The following EYS variants were observed in gnomAD, a reference collection of about 807,000 sequenced individuals.
The protein encoded by EYS is protein eyes shut homolog.
EYS carries 250 observed loss-of-function variants against 282.1 expected under a neutral mutation model. That is an observed-to-expected ratio of 0.89 (90% CI 0.80 to 0.98). The LOEUF is 0.98. Among genes scored for constraint, EYS ranks in the 50% least tolerant of loss-of-function variants. EYS has a pLI of 0.00. For missense variants in EYS, 4,016 were observed against 3,709.0 expected (o/e 1.08, Z -2.15); for synonymous variants, 1,355 against 1,282.9 (o/e 1.06, Z -1.20).
chr6:65,368,883 G>A (rs1765019819), intron 8 of EYS, among the ~76,000 whole-genome samples: 2 of 151,644 alleles, frequency 1.3e-5, no homozygotes, highest in African/African-American at 4.8e-5. Flanking sequence ...AGAGAGAGAT[G>A]AGAGGAGATG....
chr6:64,310,394 C>A (rs1359915755), intron 29 of EYS, among the ~76,000 whole-genome samples: 1 of 152,186 alleles, frequency 6.6e-6, no homozygotes, highest in Non-Finnish European at 1.5e-5. Flanking sequence ...GAATACTACA[C>A]AGCCATGAAA....
intron 29 of EYS, among the ~76,000 whole-genome samples, chr6:64,373,115 G>A (rs949791270): frequency 7.2e-5 from 11 of 152,326 alleles, no homozygotes; most frequent in Non-Finnish European, 1.0e-4. Context: ...TATTGTGGTT[G>A]TTTGGAGGTA....
intron 19 of EYS, among the ~76,000 whole-genome samples, chr6:64,858,191 T>C (rs1197669929): frequency 6.6e-6 from 1 of 152,156 alleles, no homozygotes; most frequent in Admixed American, 6.5e-5. Context: ...GTAATGGAGA[T>C]TGTTGGCTAT....
intron 18 of EYS, among the ~76,000 whole-genome samples, chr6:64,889,501 G>T (rs1232824577): frequency 1.3e-5 from 2 of 151,936 alleles, no homozygotes; most frequent in African/African-American, 4.8e-5. Context: ...TGTTATTGTT[G>T]CGGGAAGTCA....
At chr6:64,680,996 C>T (rs1242605069) in intron 22 of EYS, among the ~76,000 whole-genome samples, 2 of 152,046 alleles carry the variant, frequency 1.3e-5, no homozygotes, top group Non-Finnish European at 2.9e-5. Context: ...AGCAGAGCAA[C>T]AAACTAATCC....
intron 1 of EYS, among the ~76,000 whole-genome samples, chr6:65,693,511 C>CAA (rs973843632): frequency 2.1e-5 from 3 of 145,040 alleles, no homozygotes; most frequent in African/African-American, 7.5e-5. Flanking sequence ...ATTTTAGGGA[C>CAA]ACATTTGCTA....
chr6:65,224,400 A>G (rs1044680894), intron 12 of EYS, among the ~76,000 whole-genome samples: 3 of 152,216 alleles, frequency 2.0e-5, no homozygotes, highest in Non-Finnish European at 4.4e-5. Flanking sequence ...AAACTTACAG[A>G]CTGCGGTAAA....
In EYS at chr6:64,440,774, C is replaced by T. The variant is rs924318865; in HGVS notation, c.5645-1422G>A. ...ATTGTGAAAGAGCATAAAATGTTTTCAAAAACAAACATTACAAGAAGAATA... is the reference window on the plus strand; with the variant it reads ...ATTGTGAAAGAGCATAAAATGTTTTTAAAAACAAACATTACAAGAAGAATA... On this transcript the variant is annotated intron_variant, in intron 26 of 42. Coordinates refer to ENST00000503581, the MANE Select transcript of EYS (RefSeq NM_001142800.2). 9.9e-5 allele frequency among the ~76,000 whole-genome samples: 15 copies of T among 151,546 alleles called. 1 individual carries two copies. Among genetic ancestry groups the T allele is most frequent in the Non-Finnish European group, 1.5e-5 (1 of 67,874 alleles).
At chr6:64,207,160 G>A (rs1765634005) in intron 31 of EYS, among the ~76,000 whole-genome samples, 1 of 152,088 alleles carries the variant, frequency 6.6e-6, no homozygotes. Flanking sequence ...TTAAGAGGGT[G>A]TTAGCCCTCA....
At chr6:65,152,923 GTTAA>G (rs1764646795) in intron 12 of EYS, among the ~76,000 whole-genome samples, 1 of 149,964 alleles carries the variant, frequency 6.7e-6, no homozygotes, top group South Asian at 2.1e-4. Flanking sequence ...ACTTCATATT[GTTAA>G]TTAATTTCAT....
chr6:64,867,768 T>A (rs1766468128), intron 19 of EYS, among the ~76,000 whole-genome samples: 1 of 151,732 alleles, frequency 6.6e-6, no homozygotes, highest in Non-Finnish European at 1.5e-5. Flanking sequence ...ATTCCAAGTC[T>A]ATGTTAGAAA....
intron 2 of EYS, among the ~76,000 whole-genome samples, chr6:65,590,050 T>C (rs1033657106): frequency 6.6e-6 from 1 of 152,032 alleles, no homozygotes; most frequent in Admixed American, 6.6e-5. Context: ...AAAGAAAGGA[T>C]TACAGCACAA....
intron 2 of EYS, among the ~76,000 whole-genome samples, chr6:65,518,137 C>A (rs534036914): frequency 6.6e-6 from 1 of 152,142 alleles, no homozygotes; most frequent in Admixed American, 6.6e-5. Context: ...ATATTCCCAA[C>A]GTCTTACAGC....
intron 2 of EYS, among the ~76,000 whole-genome samples, chr6:65,591,755 G>C (rs865947169): frequency 6.6e-6 from 1 of 151,902 alleles, no homozygotes; most frequent in South Asian, 2.1e-4. Flanking sequence ...ACATGCCTTT[G>C]CGTTGGAAAA....
At position 64,822,731 on chromosome 6, in the gene EYS, A is replaced by C; in HGVS notation, c.3084T>G (p.Cys1028Trp). ...VCIDGINHYT[C>W]DCKSGFFGTH... Reference sequence around the variant, plus strand: ...TTCCAAAAAACCCACTCTTGCAGTCACAGGTATAATGATTGATGCCATCGA... The same window carrying C: ...TTCCAAAAAACCCACTCTTGCAGTCCCAGGTATAATGATTGATGCCATCGA... Residue 1028 changes from cysteine (C) to tryptophan (W), a missense_variant, in exon 20 of 43, where the codon TGT (cysteine) becomes TGG (tryptophan). By Grantham distance (215) the Cys-to-Trp change is radical. Coordinates refer to ENST00000503581, the MANE Select transcript of EYS (RefSeq NM_001142800.2). 1 of 1,549,910 alleles carries C rather than the reference A, an allele frequency of 6.5e-7. No homozygotes were observed. Among genetic ancestry groups the C allele is most frequent in the Non-Finnish European group, 8.7e-7 (1 of 1,146,028 alleles).
At chr6:65,149,054 G>T (rs1221475699) in intron 12 of EYS, among the ~76,000 whole-genome samples, 2 of 152,098 alleles carry the variant, frequency 1.3e-5, no homozygotes, top group Non-Finnish European at 2.9e-5. Flanking sequence ...GGGAAGGGCT[G>T]CTGTAAAGGT....
chr6:64,419,410 C>T (rs191825907), intron 28 of EYS, among the ~76,000 whole-genome samples: 2 of 152,162 alleles, frequency 1.3e-5, no homozygotes, highest in African/African-American at 4.8e-5. Context: ...CATGTCCTCA[C>T]ATTTCAAAAC....
chr6:64,084,286 T>A (rs1047131669), intron 31 of EYS, among the ~76,000 whole-genome samples: 2 of 151,220 alleles, frequency 1.3e-5, no homozygotes, highest in Non-Finnish European at 3.0e-5. Flanking sequence ...TTCAAACTCT[T>A]GTTGTTGACA....
intron 26 of EYS, among the ~76,000 whole-genome samples, chr6:64,548,358 G>A (rs1582880843): frequency 6.6e-6 from 1 of 152,180 alleles, no homozygotes; most frequent in African/African-American, 2.4e-5. Context: ...AAATCATGCT[G>A]CTATAAAGAC....
Sources: allele counts gnomAD v4.1 joint callset (sites outside exome capture counted in the v4.1 genomes callset), GRCh38; gene constraint gnomAD v4.1.1; transcripts MANE v1.5; gene names NCBI Gene and HGNC (gene_info 2026-07-23, HGNC 2026-07-21).